FILIP1: variants seen among roughly 807,000 people sequenced by gnomAD.
The protein encoded by FILIP1 is filamin A interacting protein 1.
Under a neutral mutation model 102.1 loss-of-function variants are expected in FILIP1, and 61 were observed. The ratio of observed to expected loss-of-function variants is 0.60; its 90% CI spans 0.49 to 0.74. FILIP1 has a LOEUF of 0.74. FILIP1 is among the 30% of genes least tolerant of loss of function. FILIP1 has a pLI of 0.00. For missense variants in FILIP1, 1,314 were observed against 1,441.2 expected, an observed-to-expected ratio of 0.91 and a Z score of 1.43; for synonymous variants, 491 against 526.9, an observed-to-expected ratio of 0.93 and a Z score of 0.93.
chr6:75,441,089 G>A (rs1288734614), intron 1 of FILIP1, among the ~76,000 whole-genome samples: 2 of 151,362 alleles, frequency 1.3e-5, no homozygotes, highest in East Asian at 3.9e-4. Context: ...ATAAACAAGT[G>A]AACAAAGGTC....
chr6:75,413,101 C>A lies in FILIP1; in HGVS notation c.276+1596G>T, dbSNP rs746732099. Among the ~76,000 whole-genome samples, 9 of 152,084 alleles carry A rather than the reference C, an allele frequency of 5.9e-5. 1 individual carries two copies. Among genetic ancestry groups the A allele is most frequent in the Non-Finnish European group, 1.2e-4 (8 of 68,022 alleles). On this transcript the variant is annotated intron_variant, in intron 2 of 5. Transcript: ENST00000237172. ...AGCACCACTATAAACATAAAAACCA[C>A]ATGAATCTTAAATACTTTCCAGAGT...
chr6:75,365,246 G>T (rs897170763), intron 2 of FILIP1, among the ~76,000 whole-genome samples: 2 of 151,982 alleles, frequency 1.3e-5, no homozygotes, highest in African/African-American at 4.8e-5. Flanking sequence ...AGAATGTACT[G>T]TTGTTTGTAC....
chr6:75,319,969 TC>T, intron 4 of FILIP1: 2 of 390,156 alleles, frequency 5.1e-6, no homozygotes, highest in East Asian at 5.3e-5. Context: ...TCTTAGGATC[TC>T]CATTGCCCAT....
At chr6:75,430,931 T>C (rs1777802866) in intron 1 of FILIP1, among the ~76,000 whole-genome samples, 1 of 152,174 alleles carries the variant, frequency 6.6e-6, no homozygotes, top group Non-Finnish European at 1.5e-5. Flanking sequence ...TGGTTTGATG[T>C]GAACCTAGGA....
intron 2 of FILIP1, among the ~76,000 whole-genome samples, chr6:75,413,824 T>C (rs564365281): frequency 6.8e-6 from 1 of 146,462 alleles, no homozygotes; most frequent in Admixed American, 6.9e-5. Flanking sequence ...CTTCCAGAAA[T>C]ATAATTGTTC....
chr6:75,373,319 T>C (rs1582411399), intron 2 of FILIP1, among the ~76,000 whole-genome samples: 2 of 152,190 alleles, frequency 1.3e-5, no homozygotes, highest in Non-Finnish European at 2.9e-5. Flanking sequence ...TAGTAGTTTC[T>C]AGTTTAGAAG....
chr6:75,399,351 T>C (rs1776573934), intron 2 of FILIP1: 1 of 152,186 alleles, frequency 6.6e-6, no homozygotes, highest in Admixed American at 6.6e-5. Context: ...TGGCAAACAA[T>C]TGATGTTTCC....
intron 1 of FILIP1, among the ~76,000 whole-genome samples, chr6:75,467,283 T>G (rs151205487): frequency 7.2e-5 from 11 of 152,344 alleles, no homozygotes; most frequent in Admixed American, 3.3e-4. Context: ...AATGAATAAT[T>G]TGATGCATTT....
intron 2 of FILIP1, chr6:75,399,450 T>C (rs1776579964): frequency 6.6e-6 from 1 of 152,226 alleles, no homozygotes; most frequent in Admixed American, 6.5e-5. Context: ...ATTATTTTAC[T>C]ACCATACAAT....
intron 2 of FILIP1, among the ~76,000 whole-genome samples, chr6:75,413,233 A>G (rs1357674406): frequency 6.6e-6 from 1 of 152,272 alleles, no homozygotes; most frequent in Middle Eastern, 3.4e-3. Context: ...GTAGTTTTGT[A>G]AAGGTTTCTA....
intron 1 of FILIP1, among the ~76,000 whole-genome samples, chr6:75,428,758 C>T (rs748672797): frequency 5.9e-5 from 9 of 152,156 alleles, no homozygotes; most frequent in Non-Finnish European, 8.8e-5. Context: ...AGAGTTTAGA[C>T]TTGTGGATTA....
intron 2 of FILIP1, among the ~76,000 whole-genome samples, chr6:75,397,537 GACACACACACACACAC>G (rs59797690): frequency 0.021 from 2,853 of 139,048 alleles, 106 homozygotes; most frequent in African/African-American, 0.071. Flanking sequence ...ACACATATAA[GACACACACACACACAC>G]ACACACACAC....
rs889426006 is a variant in FILIP1 at position 75,314,572 on chromosome 6, C to T, written c.1260G>A (p.Glu420=). 10 of 1,613,840 alleles carry T rather than the reference C, an allele frequency of 6.2e-6. No homozygotes were observed. The highest frequency in any genetic ancestry group is 1.7e-5 in the Admixed American group (1 of 59,982). The change falls in exon 5 of 6, where the codon GAG becomes GAA. Residue 420 remains glutamate, a synonymous_variant. Coordinates refer to ENST00000237172, the MANE Select transcript of FILIP1 (RefSeq NM_015687.5). ...GTAGCTTCTCAACTTCAAGTCTGAG[C>T]TCCTTACTATGGTGTTCTTCCTCTT... ...KLQEEEHHSK[E]LRLEVEKLQK... is the part of the protein sequence containing the mutation.
At chr6:75,456,969 C>T (rs1778858113) in intron 1 of FILIP1, among the ~76,000 whole-genome samples, 1 of 152,116 alleles carries the variant, frequency 6.6e-6, no homozygotes, top group South Asian at 2.1e-4. Flanking sequence ...TTATGCTGTT[C>T]AGCCTTCTTT....
chr6:75,488,468 A>G (rs958323463), intron 1 of FILIP1, among the ~76,000 whole-genome samples: 1 of 151,784 alleles, frequency 6.6e-6, no homozygotes, highest in African/African-American at 2.4e-5. Context: ...ATAATCCAAT[A>G]TACTTTCCTG....
At chr6:75,378,815 G>A (rs62414186) in intron 2 of FILIP1, among the ~76,000 whole-genome samples, 2,016 of 152,158 alleles carry the variant, frequency 0.013, 12 homozygotes, top group Middle Eastern at 0.065. Flanking sequence ...TTGGCCACTG[G>A]TATTTGTGGA....
intron 4 of FILIP1, among the ~76,000 whole-genome samples, chr6:75,349,206 A>G (rs777860408): frequency 2.6e-5 from 4 of 152,208 alleles, no homozygotes; most frequent in Non-Finnish European, 5.9e-5. Context: ...ATCAACAGCT[A>G]CTACTGATCC....
At chr6:75,338,379 AC>A (rs1468830607) in intron 4 of FILIP1, among the ~76,000 whole-genome samples, 3 of 152,196 alleles carry the variant, frequency 2.0e-5, no homozygotes, top group African/African-American at 7.2e-5. Flanking sequence ...ACTTTTCACC[AC>A]CATGAAGCAC....
Position 75,372,722 on chromosome 6 carries a change from G to GGA in FILIP1, c.277-9806_277-9805insTC, listed in dbSNP as rs376642817. ...GAAAGAAAGAAAGAAAGGAAAGAAA[G>GGA]AGAAAGAGAAAGAAAGAAAGAAAGA... On this transcript the variant is annotated intron_variant, in intron 2 of 5. Transcript: ENST00000237172. Among the ~76,000 whole-genome samples, 9 of 65,930 alleles carry GGA rather than the reference G, an allele frequency of 1.4e-4. 1 individual carries two copies. Among genetic ancestry groups the GGA allele is most frequent in the African/African-American group, 6.6e-4 (9 of 13,732 alleles). The allele number at this position is 65,930 out of a possible 152,430, so 43.3% of individuals were successfully genotyped here. A position where few individuals can be genotyped will look rare whatever the true frequency, so the allele number is the denominator to read the frequency against.
Sources: gnomAD v4.1 joint callset for allele counts (sites outside exome capture counted in the v4.1 genomes callset) on GRCh38, gnomAD v4.1.1 for gene constraint, MANE v1.5 for transcripts, NCBI Gene and HGNC (gene_info 2026-07-23, HGNC 2026-07-21) for gene names.